The following SLC22A3 variants were observed in gnomAD, a reference collection of about 807,000 sequenced individuals.
SLC22A3 encodes solute carrier family 22 member 3.
SLC22A3 carries 51 observed loss-of-function variants against 59.1 expected under a neutral mutation model. That is an observed-to-expected ratio of 0.86 (90% CI 0.69 to 1.09). The LOEUF (loss-of-function observed/expected upper bound fraction) is 1.09, where lower values mean the gene tolerates loss of function less well. Among genes scored for constraint, SLC22A3 ranks in the 50% least tolerant of loss-of-function variants. The probability of loss-of-function intolerance (pLI) is 0.00; values close to 1 mark genes in which losing one functional copy is unlikely to be tolerated. For missense variants in SLC22A3, 711 were observed against 726.3 expected, an observed-to-expected ratio of 0.98 and a Z score of 0.24; for synonymous variants, 325 against 292.0, an observed-to-expected ratio of 1.11 and a Z score of -1.15.
chr6:160,391,058 A>G (rs1786235326), intron 1 of SLC22A3, among the ~76,000 whole-genome samples: 2 of 152,142 alleles, frequency 1.3e-5, no homozygotes, highest in Non-Finnish European at 1.5e-5. Context: ...CTCTTCTTCA[A>G]AGGATACCTG....
At chr6:160,352,349 C>G (rs1191135855) in intron 1 of SLC22A3, among the ~76,000 whole-genome samples, 1 of 152,090 alleles carries the variant, frequency 6.6e-6, no homozygotes, top group Admixed American at 6.5e-5. Context: ...TTCTAATGTC[C>G]GAATCTCGGC....
intron 2 of SLC22A3, among the ~76,000 whole-genome samples, chr6:160,404,697 G>A (rs1344249323): frequency 1.3e-5 from 2 of 152,020 alleles, no homozygotes; most frequent in Non-Finnish European, 2.9e-5. Context: ...AAGACTTACC[G>A]TAAAGCGACA....
In SLC22A3 at chr6:160,366,653, GA is replaced by G. The variant is rs565671165; in HGVS notation, c.429+17806del. 9.8e-5 allele frequency among the ~76,000 whole-genome samples: 15 copies of G among 152,312 alleles called. No individual in the cohort carries two copies. In the East Asian group the frequency reaches 2.7e-3, roughly 27 times the overall value. On this transcript the variant is annotated intron_variant, in intron 1 of 10. Transcript: ENST00000275300. ...CACTGCCCTAGCAGAGGTTCTTCAT[GA>G]GGGCTGTGCCCCACAATACACATCT...
At chr6:160,443,530 T>G (rs1487415817) in intron 8 of SLC22A3, 100 bp from the exon 9 acceptor site, 1 of 809,660 alleles carries the variant, frequency 1.2e-6, no homozygotes, top group Non-Finnish European at 2.1e-6. Flanking sequence ...GCAAAGTATC[T>G]TCACACTTCC....
intron 5 of SLC22A3, among the ~76,000 whole-genome samples, chr6:160,432,754 T>C (rs887608330): frequency 6.6e-6 from 1 of 152,216 alleles, no homozygotes; most frequent in Non-Finnish European, 1.5e-5. Context: ...ATTAATGAAA[T>C]GATACGGCAT....
At chr6:160,374,782 G>A (rs1373921247) in intron 1 of SLC22A3, among the ~76,000 whole-genome samples, 3 of 152,228 alleles carry the variant, frequency 2.0e-5, no homozygotes, top group Non-Finnish European at 4.4e-5. Flanking sequence ...AAAGAGAAAA[G>A]AAAGACTTGG....
At chr6:160,443,491 G>A in intron 8 of SLC22A3, 139 bp from the exon 9 acceptor site, 1 of 675,596 alleles carries the variant, frequency 1.5e-6, no homozygotes, top group Non-Finnish European at 2.7e-6. Context: ...TTAGAGTTCT[G>A]AGAGTAGTCG....
Position 160,367,544 on chromosome 6 carries a change from G to A in SLC22A3, c.429+18696G>A, listed in dbSNP as rs536668394. Among the ~76,000 whole-genome samples the A allele has an allele frequency of 7.2e-5, 11 of 152,338 alleles. No individual in the cohort carries two copies. The South Asian group carries it at 2.1e-3, about 29-fold the overall frequency. On this transcript the variant is annotated intron_variant, in intron 1 of 10. Transcript: ENST00000275300. ...CACATACCCCCATCAGGCATTGATA[G>A]CACCTCCATGTGCAGATTTTGAAGG...
chr6:160,373,115 C>T (rs1007844327), intron 1 of SLC22A3, among the ~76,000 whole-genome samples: 2 of 152,078 alleles, frequency 1.3e-5, no homozygotes, highest in African/African-American at 4.8e-5. Context: ...GCATTTTTGC[C>T]CTGGTTTTTC....
At chr6:160,423,708 A>G (rs1037852280) in intron 5 of SLC22A3, among the ~76,000 whole-genome samples, 1 of 152,166 alleles carries the variant, frequency 6.6e-6, no homozygotes, top group Non-Finnish European at 1.5e-5. Context: ...TTCTTTGTAG[A>G]TTCTGCATAT....
intron 1 of SLC22A3, among the ~76,000 whole-genome samples, chr6:160,397,461 C>T (rs546430064): frequency 1.1e-3 from 167 of 152,056 alleles, no homozygotes; most frequent in African/African-American, 3.9e-3. Context: ...GTTGGCCAGG[C>T]GCGGTGGCTC....
At chr6:160,353,006 A>G (rs1784712120) in intron 1 of SLC22A3, among the ~76,000 whole-genome samples, 1 of 152,114 alleles carries the variant, frequency 6.6e-6, no homozygotes, top group South Asian at 2.1e-4. Flanking sequence ...TTTTTAGTAG[A>G]GACAGGGTTT....
At position 160,348,835 on chromosome 6, in the gene SLC22A3, C is replaced by A; in HGVS notation, c.416C>A (p.Thr139Asn). ...TGGCGCTACGCCCAGGCCCACTCCA[C>A]CATCGTCAGCGAGGTAAGGGCGCCC... ...GGWRYAQAHS[T>N]IVSEFDLVCV... is the part of the protein sequence containing the mutation. Residue 139 changes from threonine to asparagine, a missense_variant, in exon 1 of 11, where the codon ACC becomes AAC. Thr to Asn is a moderately conservative substitution (Grantham distance 65). Coordinates refer to ENST00000275300, the MANE Select transcript of SLC22A3 (RefSeq NM_021977.4). 6.3e-7 allele frequency: 1 copy of A among 1,584,418 alleles called. No homozygotes were observed. Among genetic ancestry groups the A allele is most frequent in the East Asian group, 2.3e-5 (1 of 44,080 alleles).
Position 160,415,434 on chromosome 6 carries a change from A to G in SLC22A3, c.975+4588A>G, listed in dbSNP as rs1787445561. ...ATTACTCATATTTTGTGATTCAAAT[A>G]CATACTGTCCGTGTCTATGTTAGGA... is the stretch of plus-strand genomic sequence containing the variant. On this transcript the variant is annotated intron_variant, in intron 5 of 10. Transcript: ENST00000275300. This position sits in a 1 kb window ranked among gnomAD's most constrained non-coding sequence, Gnocchi z 4.1. Among the ~76,000 whole-genome samples, 1 of 152,214 alleles carries G rather than the reference A, an allele frequency of 6.6e-6. No homozygotes were observed. The highest frequency in any genetic ancestry group is 2.1e-4 in the South Asian group (1 of 4,826).
At chr6:160,424,891 G>A (rs1035186492) in intron 5 of SLC22A3, among the ~76,000 whole-genome samples, 2 of 152,162 alleles carry the variant, frequency 1.3e-5, no homozygotes, top group African/African-American at 2.4e-5. Flanking sequence ...ACTTACACAC[G>A]TTTTGATTAG....
At chr6:160,423,006 G>A (rs1021515129) in intron 5 of SLC22A3, among the ~76,000 whole-genome samples, 30 of 151,774 alleles carry the variant, frequency 2.0e-4, no homozygotes, top group Non-Finnish European at 2.9e-4. Flanking sequence ...AACAGGCCCC[G>A]GTGTGTGATG....
At chr6:160,425,811 A>T (rs1056228845) in intron 5 of SLC22A3, 1 of 985,160 alleles carries the variant, frequency 1.0e-6, no homozygotes, top group African/African-American at 1.7e-5. Context: ...TCACCGTTCA[A>T]AGTTGAATAA....
Position 160,348,813 on chromosome 6 carries a change from C to A in SLC22A3, c.394C>A (p.Arg132Ser). The A allele has an allele frequency of 6.3e-7, 1 of 1,580,152 alleles. No individual in the cohort carries two copies. Among genetic ancestry groups the A allele is most frequent in the Non-Finnish European group, 8.5e-7 (1 of 1,171,596 alleles). ...APLVPCRGGW[R>S]YAQAHSTIVS... Reference sequence around the variant, plus strand: ...CCTTGTGCCGTGCCGCGGCGGCTGGCGCTACGCCCAGGCCCACTCCACCAT... The same window carrying A: ...CCTTGTGCCGTGCCGCGGCGGCTGGAGCTACGCCCAGGCCCACTCCACCAT... Residue 132 changes from arginine to serine, a missense_variant, in exon 1 of 11, where the codon CGC (arginine) becomes AGC (serine). Transcript: ENST00000275300.
At chr6:160,376,028 C>T (rs879606458) in intron 1 of SLC22A3, among the ~76,000 whole-genome samples, 3 of 152,078 alleles carry the variant, frequency 2.0e-5, no homozygotes, top group Admixed American at 2.0e-4. Flanking sequence ...TAATCTAAAG[C>T]CTGGCTCACA....
Sources: gnomAD v4.1 joint callset for allele counts (sites outside exome capture counted in the v4.1 genomes callset) on GRCh38, gnomAD v4.1.1 for gene constraint, Gnocchi (gnomAD v3.1) non-coding constraint, MANE v1.5 for transcripts, NCBI Gene and HGNC (gene_info 2026-07-23, HGNC 2026-07-21) for gene names.